TRPM1: variants seen among roughly 807,000 people sequenced by gnomAD.
The protein encoded by TRPM1 is TRPM1-203 APA Isoform, Intron 10.
Under a neutral mutation model 149.4 loss-of-function variants are expected in TRPM1, and 113 were observed. The ratio of observed to expected loss-of-function variants is 0.76; its 90% confidence interval spans 0.65 to 0.88. The LOEUF is 0.88. TRPM1 is among the 40% of genes least tolerant of loss of function. The probability of loss-of-function intolerance (pLI) is 0.00; values close to 1 mark genes in which losing one functional copy is unlikely to be tolerated. For missense variants in TRPM1, 1,976 were observed against 2,038.7 expected (o/e 0.97, Z 0.59); for synonymous variants, 741 against 759.5 (o/e 0.98, Z 0.40).
At chr15:31,125,253 G>T (rs951370605) in intron 1 of TRPM1, among the ~76,000 whole-genome samples, 1 of 152,104 alleles carries the variant, frequency 6.6e-6, no homozygotes, top group African/African-American at 2.4e-5. Flanking sequence ...GTAAACTCTG[G>T]GCTTCAGTTA....
In TRPM1 at chr15:31,020,460, G is replaced by A. The variant is rs1268151926; in HGVS notation, c.3629+5679C>T. 2.0e-5 allele frequency among the ~76,000 whole-genome samples: 3 copies of A among 152,198 alleles called. No individual in the cohort carries two copies. In the East Asian group the frequency reaches 5.8e-4, roughly 29 times the overall value. ...CTGTATCCCTGCCTTTCGGCTGTAC[G>A]GTGTCACCGATGAAGGTCATGGGAA... is the stretch of plus-strand genomic sequence containing the variant. On this transcript the variant is annotated intron_variant, in intron 27 of 27. Coordinates refer to ENST00000256552, the MANE Select transcript of TRPM1 (RefSeq NM_001252024.2).
chr15:31,061,613 A>G lies in TRPM1; in HGVS notation c.1090-99T>C. ...ACCACAGAGACTGACACGTAATAAA[A>G]TGATCCTGAGCACTAAACAGTTTCA... On this transcript the variant is annotated intron_variant, in intron 9 of 27. Coordinates refer to ENST00000256552, the MANE Select transcript of TRPM1 (RefSeq NM_001252024.2). The G allele has an allele frequency of 2.0e-6, 2 of 975,998 alleles. 1 individual carries two copies. Among genetic ancestry groups the G allele is most frequent in the South Asian group, 2.6e-5 (2 of 75,724 alleles). The allele number at this position is 975,998 out of a possible 1,614,324, so 60.5% of individuals were successfully genotyped here. A position where few individuals can be genotyped will look rare whatever the true frequency, so the allele number is the denominator to read the frequency against.
chr15:31,136,749 C>CATTTT (rs556656172), intron 1 of TRPM1, among the ~76,000 whole-genome samples: 3 of 137,860 alleles, frequency 2.2e-5, no homozygotes, highest in African/African-American at 8.0e-5. Context: ...CGCCCCCACC[C>CATTTT]TTTTTTTTTT....
At chr15:31,084,866 T>G (rs1474137851) in intron 1 of TRPM1, among the ~76,000 whole-genome samples, 1 of 150,534 alleles carries the variant, frequency 6.6e-6, no homozygotes, top group African/African-American at 2.5e-5. Flanking sequence ...TTGGTATTTT[T>G]TAGTAGAGAT....
chr15:31,136,795 A>C (rs562341451), intron 1 of TRPM1, among the ~76,000 whole-genome samples: 1 of 142,370 alleles, frequency 7.0e-6, no homozygotes, highest in Admixed American at 7.3e-5. Flanking sequence ...TGCTCAGCTC[A>C]TTGGAACACT....
At chr15:31,122,171 G>A (rs543340521) in intron 1 of TRPM1, among the ~76,000 whole-genome samples, 4 of 152,084 alleles carry the variant, frequency 2.6e-5, no homozygotes, top group South Asian at 2.1e-4. Flanking sequence ...AAGAATAGAC[G>A]GTTACTTCCA....
chr15:31,007,195 TCATTTTTTG>T (rs1457672749), intron 27 of TRPM1, among the ~76,000 whole-genome samples: 1 of 152,216 alleles, frequency 6.6e-6, no homozygotes, highest in Non-Finnish European at 1.5e-5. Context: ...TGTGTTGAGA[TCATTTTTTG>T]CATAAGAATG....
At chr15:31,119,668 T>C (rs1437523871) in intron 1 of TRPM1, among the ~76,000 whole-genome samples, 1 of 152,162 alleles carries the variant, frequency 6.6e-6, no homozygotes, top group African/African-American at 2.4e-5. Context: ...AACAACAATG[T>C]ATTTGGCGAT....
chr15:31,137,899 G>GA (rs563022040), intron 1 of TRPM1, among the ~76,000 whole-genome samples: 10 of 152,094 alleles, frequency 6.6e-5, no homozygotes, highest in Non-Finnish European at 1.3e-4. Flanking sequence ...CCTAAACCTA[G>GA]AAAAAACCTA....
At position 31,100,766 on chromosome 15, in the gene TRPM1, T is replaced by A. The variant is rs141368565; in HGVS notation, c.-84+891A>T. On this transcript the variant is annotated intron_variant, in intron 1 of 27. Transcript: ENST00000256552. Reference sequence around the variant, plus strand: ...GGTTATTATGCCTTTTTCTCTGTCATTTTAAAAGTGACTGCGTGATGTTTC... The same window carrying A: ...GGTTATTATGCCTTTTTCTCTGTCAATTTAAAAGTGACTGCGTGATGTTTC... Among the ~76,000 whole-genome samples the A allele has an allele frequency of 2.9e-4, 44 of 152,338 alleles. No homozygotes were observed. The East Asian group carries it at 7.3e-3, about 25-fold the overall frequency.
At chr15:31,091,868 AG>A (rs1193922276) in intron 1 of TRPM1, among the ~76,000 whole-genome samples, 2 of 152,208 alleles carry the variant, frequency 1.3e-5, no homozygotes. Flanking sequence ...CTTCTTCAAA[AG>A]TTCAGTGGGG....
rs148345077 is a variant in TRPM1 at position 31,060,279 on chromosome 15, A to G, written c.1263+265T>C. The G allele has an allele frequency of 2.1e-4, 118 of 550,072 alleles. 2 individuals carry two copies. The highest frequency in any genetic ancestry group is 3.3e-4 in the Non-Finnish European group (103 of 308,422). The allele number at this position is 550,072 out of a possible 1,614,324, so 34.1% of individuals were successfully genotyped here. Reference sequence around the variant, plus strand: ...TTTATTTCTTCTTCTTTTTCTTTAAAAAGGTAAAAACCCACTTTCATCAGC... The same window carrying G: ...TTTATTTCTTCTTCTTTTTCTTTAAGAAGGTAAAAACCCACTTTCATCAGC... On this transcript the variant is annotated intron_variant, in intron 11 of 27. Transcript: ENST00000256552.
rs746318052 is a variant in TRPM1, at chr15:31,002,385, C to T, written c.4315G>A (p.Glu1439Lys). 1 of 1,614,232 alleles carries T rather than the reference C, an allele frequency of 6.2e-7. No individual in the cohort carries two copies. The highest frequency in any genetic ancestry group is 1.7e-5 in the Admixed American group (1 of 60,028). ...IEGTISYPLEETKITRYFPDE... is the reference protein window; with the variant it reads ...IEGTISYPLEKTKITRYFPDE... ...GGGAAATAGCGTGTAATTTTGGTTT[C>T]TTCCAGGGGATAGGAAATAGTGCCT... Residue 1439 changes from glutamate to lysine, a missense_variant, in exon 28 of 28, where the codon GAA becomes AAA. This residue lies in a region of TRPM1 where 572 missense variants were observed against 578.9 expected (regional missense o/e 0.99). Transcript: ENST00000256552.
chr15:31,083,707 A>G (rs535283813), intron 1 of TRPM1, among the ~76,000 whole-genome samples: 11 of 151,924 alleles, frequency 7.2e-5, no homozygotes, highest in East Asian at 5.8e-4. Flanking sequence ...CCTGGGTCCA[A>G]CTGGCCATTT....
intron 24 of TRPM1, 64 bp from the exon 25 acceptor site, chr15:31,028,540 A>C (rs1268521483): frequency 1.3e-6 from 2 of 1,563,020 alleles, no homozygotes; most frequent in Non-Finnish European, 1.8e-6. Flanking sequence ...AATATCTCTT[A>C]CATATGTTTT....
Position 31,027,067 on chromosome 15 carries a change from TG to T in TRPM1, c.3343del (p.Gln1115SerfsTer5), listed in dbSNP as rs1430333694. On this transcript the variant is annotated frameshift_variant, in exon 26 of 28. Transcript: ENST00000256552. LOFTEE classifies it high-confidence loss of function. ...KSISNQVWKF[Q>X]RYQLIMTFHD... ...AAATGTCATAATCAGCTGATATCGC[TG>T]GAACTTCCACACCTGGTTGGATATT... The T allele has an allele frequency of 6.2e-7, 1 of 1,614,224 alleles. No homozygotes were observed. The highest frequency in any genetic ancestry group is 1.1e-5 in the South Asian group (1 of 91,086).
chr15:31,043,998 C>T (rs1038684117), intron 16 of TRPM1, among the ~76,000 whole-genome samples: 1 of 151,806 alleles, frequency 6.6e-6, no homozygotes, highest in African/African-American at 2.4e-5. Flanking sequence ...AGTAACACAC[C>T]TTACTTAGCA....
At position 31,046,168 on chromosome 15, in the gene TRPM1, GA is replaced by G. The variant is rs756742609; in HGVS notation, c.1794+35del. On this transcript the variant is annotated intron_variant, in intron 16 of 27. Coordinates refer to ENST00000256552, the MANE Select transcript of TRPM1 (RefSeq NM_001252024.2). ...AAAAGGGCTATGTATATTTGACCAG[GA>G]TATTATAAAACTGTTGAAAACAAGT... 3.7e-6 allele frequency: 6 copies of G among 1,605,280 alleles called. No individual in the cohort carries two copies. In the East Asian group the frequency reaches 1.1e-4, roughly 30 times the overall value.
intron 1 of TRPM1, among the ~76,000 whole-genome samples, chr15:31,138,698 C>CAAAT (rs1406798831): frequency 6.6e-5 from 10 of 151,446 alleles, no homozygotes; most frequent in East Asian, 1.9e-4. Flanking sequence ...TCTCTATTTA[C>CAAAT]AACTAAATAA....
Sources: gnomAD v4.1 joint callset for allele counts (sites outside exome capture counted in the v4.1 genomes callset) on GRCh38, gnomAD v4.1.1 for gene constraint, gnomAD v4.1.1 regional missense constraint, MANE v1.5 for transcripts, NCBI Gene and HGNC (gene_info 2026-07-23, HGNC 2026-07-21) for gene names.